CHMP1A: variants seen among roughly 807,000 people sequenced by gnomAD.
The protein encoded by CHMP1A is VPS46 homolog A.
A neutral mutation model predicts 27.0 loss-of-function variants in CHMP1A; 17 were observed. The ratio of observed to expected loss-of-function variants is 0.63; its 90% CI spans 0.43 to 0.95. The LOEUF is 0.95. CHMP1A is among the 40% of genes least tolerant of loss of function. The probability of loss-of-function intolerance (pLI) is 0.00; values close to 1 mark genes in which losing one functional copy is unlikely to be tolerated. For synonymous variants in CHMP1A, 131 were observed against 107.5 expected, an observed-to-expected ratio of 1.22 and a Z score of -1.35; for missense variants, 275 against 264.0, an observed-to-expected ratio of 1.04 and a Z score of -0.29.
intron 6 of CHMP1A, 111 bp downstream of exon 6, chr16:89,646,416 T>C: frequency 8.2e-7 from 1 of 1,212,338 alleles, no homozygotes; most frequent in Non-Finnish European, 1.1e-6. Context: ...GGCTCCCTGG[T>C]CGGAGCCTCA....
rs547259927 is a variant in CHMP1A, at chr16:89,650,123, G to A, written c.106-626C>T. ...GAGTTACCAAAGTCCAATACGCTGG[G>A]ACCTACTTCACCGATTACGCAGTTT... On this transcript the variant is annotated intron_variant, in intron 3 of 6. Transcript: ENST00000397901. Among the ~76,000 whole-genome samples, 11 of 152,290 alleles carry A rather than the reference G, an allele frequency of 7.2e-5. No homozygotes were observed. In the South Asian group the frequency reaches 2.3e-3, roughly 32 times the overall value.
chr16:89,647,328 T>G lies in CHMP1A; in HGVS notation c.256A>C (p.Thr86Pro). ...TTGGTCACCTGGGCCATATTCTTGG[T>G]CACCTGAGACAGGAGAGAGCGCAGG... ...VQTAVTMKGV[T>P]KNMAQVTKAL... The change falls in exon 5 of 7, where the codon ACC (threonine) becomes CCC (proline). Residue 86 changes from threonine (T) to proline (P), a missense_variant. Transcript: ENST00000397901. The G allele has an allele frequency of 6.2e-7, 1 of 1,608,730 alleles. No individual in the cohort carries two copies. The highest frequency in any genetic ancestry group is 8.5e-7 in the Non-Finnish European group (1 of 1,176,008).
intron 1 of CHMP1A, among the ~76,000 whole-genome samples, 195 bp from the exon 2 acceptor site, chr16:89,654,118 T>C (rs906188937): frequency 6.6e-6 from 1 of 152,208 alleles, no homozygotes. Context: ...CCCTGGCTCC[T>C]TGCTAGCCAC....
chr16:89,651,722 C>A, intron 2 of CHMP1A, 76 bp from the exon 3 acceptor site: 1 of 1,419,784 alleles, frequency 7.0e-7, no homozygotes, highest in Non-Finnish European at 9.7e-7. Flanking sequence ...CACCCCCACA[C>A]CTGTGCCCAC....
chr16:89,656,325 G>C (rs771814492), intron 1 of CHMP1A, among the ~76,000 whole-genome samples: 7 of 151,986 alleles, frequency 4.6e-5, no homozygotes, highest in Non-Finnish European at 8.8e-5. Context: ...TTCTAGTAGA[G>C]ATGGGGTTTC....
Position 89,649,428 on chromosome 16 carries a change from C to G in CHMP1A, c.175G>C (p.Gly59Arg). 6.2e-7 allele frequency: 1 copy of G among 1,613,794 alleles called. No homozygotes were observed. The highest frequency in any genetic ancestry group is 8.5e-7 in the Non-Finnish European group (1 of 1,179,886). ...GACGCCATCCGAAGCCAGTTCACAC[C>G]TTCGTTCTTCTTGCGGATGGCGTTC... ...AENAIRKKNE[G>R]VNWLRMASRV... Residue 59 changes from glycine to arginine, a missense_variant, in exon 4 of 7, where the codon GGT becomes CGT. By Grantham distance (125) the Gly-to-Arg change is moderately radical (BLOSUM62 -2). Transcript: ENST00000397901.
At chr16:89,646,884 G>GGGCCCCCCCCCCCCCCCCCC in intron 5 of CHMP1A, 170 bp from the exon 6 acceptor site, 1 of 709,050 alleles carries the variant, frequency 1.4e-6, no homozygotes, top group Non-Finnish European at 2.4e-6. Context: ...AGCCTTTCCT[G>GGGCCCCCCCCCCCCCCCCCC]CCCCCCCACC....
Position 89,650,399 on chromosome 16 carries a change from G to A in CHMP1A, c.106-902C>T, listed in dbSNP as rs188347895. ...TCATGGGGAGGGGACCCCTCCTGGA[G>A]AGGCACCCCTGTAAGCCTCCAGCCC... On this transcript the variant is annotated intron_variant, in intron 3 of 6. Transcript: ENST00000397901. 4.6e-5 allele frequency among the ~76,000 whole-genome samples: 7 copies of A among 152,268 alleles called. No individual in the cohort carries two copies. In the East Asian group the frequency reaches 1.2e-3, roughly 25 times the overall value.
Position 89,653,567 on chromosome 16 carries a change from G to A in CHMP1A, c.27+337C>T, listed in dbSNP as rs1476824162. ...GAACCCGGGAGGCAGAGGTTGCAGT[G>A]AGCCGAGATCACGCCAATGCACTCC... On this transcript the variant is annotated intron_variant, in intron 2 of 6. Transcript: ENST00000397901. 4.9e-5 allele frequency among the ~76,000 whole-genome samples: 7 copies of A among 143,536 alleles called. No homozygotes were observed. In the Admixed American group the frequency reaches 5.0e-4, roughly 10 times the overall value. 94.2% of individuals were successfully genotyped at this position (143,536 alleles called of 152,430 possible). A position where few individuals can be genotyped will look rare whatever the true frequency, so the allele number is the denominator to read the frequency against.
chr16:89,654,750 G>A (rs1260783887), intron 1 of CHMP1A, among the ~76,000 whole-genome samples: 4 of 152,142 alleles, frequency 2.6e-5, no homozygotes, highest in Non-Finnish European at 4.4e-5. Context: ...AGACCATCCT[G>A]GCTAACACGG....
chr16:89,656,600 C>T (rs965133504), intron 1 of CHMP1A, among the ~76,000 whole-genome samples: 2 of 152,220 alleles, frequency 1.3e-5, no homozygotes, highest in Non-Finnish European at 2.9e-5. Context: ...ACCCATTGAG[C>T]ACAGAAACGC....
rs546856134 is a variant in CHMP1A, at chr16:89,645,314, G to A, written c.*752C>T. Reference sequence around the variant, plus strand: ...GCTGGTGGACAGGCTCCCTGTCGAGGAGACAAACAGCACAGCACATGTGGC... The same window carrying A: ...GCTGGTGGACAGGCTCCCTGTCGAGAAGACAAACAGCACAGCACATGTGGC... On this transcript the variant is annotated 3_prime_UTR_variant, in exon 7 of 7. Coordinates refer to ENST00000397901, the MANE Select transcript of CHMP1A (RefSeq NM_002768.5). 4 of 152,762 alleles carry A rather than the reference G, an allele frequency of 2.6e-5. No individual in the cohort carries two copies. In the East Asian group the frequency reaches 7.7e-4, roughly 29 times the overall value. 9.5% of individuals were successfully genotyped at this position (152,762 alleles called of 1,614,324 possible).
At chr16:89,651,708 T>C in intron 2 of CHMP1A, 62 bp from the exon 3 acceptor site, 1 of 1,531,860 alleles carries the variant, frequency 6.5e-7, no homozygotes, top group East Asian at 2.3e-5. Context: ...GGCCCGGCTC[T>C]CCACACCCCC....
intron 1 of CHMP1A, among the ~76,000 whole-genome samples, chr16:89,656,225 C>T (rs1169765514): frequency 2.6e-5 from 4 of 152,182 alleles, no homozygotes; most frequent in Non-Finnish European, 5.9e-5. Context: ...CAAGCTCCGC[C>T]TCCCGGGTTC....
intron 1 of CHMP1A, among the ~76,000 whole-genome samples, chr16:89,656,959 G>A (rs2059880899): frequency 6.6e-6 from 1 of 151,710 alleles, no homozygotes; most frequent in South Asian, 2.1e-4. Flanking sequence ...TAGGTCCCGG[G>A]TCCATGGTTG....
chr16:89,657,523 G>A (rs1288867491), intron 1 of CHMP1A, 59 bp downstream of exon 1: 25 of 1,600,992 alleles, frequency 1.6e-5, no homozygotes, highest in Non-Finnish European at 2.0e-5. Flanking sequence ...GCCCACGCCA[G>A]TGGGAGAAGC....
At chr16:89,649,317 C>T (rs375875560) in intron 4 of CHMP1A, 34 bp downstream of exon 4, 69 of 1,597,970 alleles carry the variant, frequency 4.3e-5, no homozygotes, top group Admixed American at 2.0e-4. Context: ...AGCCAGCGAA[C>T]GCCACCCATC....
intron 4 of CHMP1A, among the ~76,000 whole-genome samples, chr16:89,648,725 C>A (rs551363807): frequency 8.0e-6 from 1 of 124,660 alleles, no homozygotes; most frequent in African/African-American, 3.2e-5. Flanking sequence ...CCTGTCTCTA[C>A]ATAAAAATGA....
chr16:89,652,788 C>G (rs2059835293), intron 2 of CHMP1A, among the ~76,000 whole-genome samples: 1 of 152,172 alleles, frequency 6.6e-6, no homozygotes, highest in Non-Finnish European at 1.5e-5. Context: ...TCACTCCTGC[C>G]CAGTAGCTCA....
Sources: allele counts gnomAD v4.1 joint callset (sites outside exome capture counted in the v4.1 genomes callset), GRCh38; gene constraint gnomAD v4.1.1; transcripts MANE v1.5; gene names NCBI Gene and HGNC (gene_info 2026-07-23, HGNC 2026-07-21).